DNAH11: variants seen among roughly 807,000 people sequenced by gnomAD.
The protein encoded by DNAH11 is dynein axonemal heavy chain 11.
In DNAH11, 442 loss-of-function variants were observed where a neutral mutation model predicts 526.0. That is an observed-to-expected ratio of 0.84 (90% CI 0.78 to 0.91). DNAH11 has a LOEUF of 0.91. DNAH11 is among the 40% of genes least tolerant of loss of function. DNAH11 has a pLI of 0.00. For synonymous variants in DNAH11, 2,461 were observed against 1,935.9 expected, an observed-to-expected ratio of 1.27 and a Z score of -7.12; for missense variants, 6,989 against 5,448.7, an observed-to-expected ratio of 1.28 and a Z score of -8.90.
chr7:21,892,648 G>A lies in DNAH11; in HGVS notation c.12731G>A (p.Gly4244Glu). ...PRNALSGDEL[G>E]QSTEEKVKNV... ...AATGCACTCAGTGGTGATGAACTGGGGCAGTCTACAGAAGAAAAGGTAGAG... is the reference window on the plus strand; with the variant it reads ...AATGCACTCAGTGGTGATGAACTGGAGCAGTCTACAGAAGAAAAGGTAGAG... Residue 4244 changes from glycine to glutamate, a missense_variant, in exon 77 of 82, where the codon GGG becomes GAG. Gly to Glu is a moderately conservative substitution (Grantham distance 98, BLOSUM62 -2). Transcript: ENST00000409508. 6.2e-7 allele frequency: 1 copy of A among 1,607,790 alleles called. No individual in the cohort carries two copies. The highest frequency in any genetic ancestry group is 8.5e-7 in the Non-Finnish European group (1 of 1,176,630).
chr7:21,586,440 T>C (rs1443799752), intron 9 of DNAH11, among the ~76,000 whole-genome samples: 2 of 152,228 alleles, frequency 1.3e-5, no homozygotes, highest in Non-Finnish European at 2.9e-5. Context: ...TTTAAAAATA[T>C]TTAGCAGTTT....
At chr7:21,773,303 C>A (rs1000791811) in intron 55 of DNAH11, among the ~76,000 whole-genome samples, 3 of 148,860 alleles carry the variant, frequency 2.0e-5, no homozygotes, top group Non-Finnish European at 3.0e-5. Context: ...TTTGTTTTTA[C>A]ATGAGTTCTC....
At chr7:21,623,344 G>A (rs1786171386) in intron 25 of DNAH11, among the ~76,000 whole-genome samples, 1 of 151,146 alleles carries the variant, frequency 6.6e-6, no homozygotes, top group Non-Finnish European at 1.5e-5. Context: ...TGGAGAAATA[G>A]GAACACTTTT....
intron 65 of DNAH11, among the ~76,000 whole-genome samples, chr7:21,839,826 G>T (rs956601332): frequency 6.6e-6 from 1 of 152,194 alleles, no homozygotes; most frequent in East Asian, 1.9e-4. Context: ...GAAGGTTTCT[G>T]TTGTCAGTGT....
chr7:21,740,979 G>A (rs958653262), intron 48 of DNAH11, among the ~76,000 whole-genome samples: 2 of 152,126 alleles, frequency 1.3e-5, no homozygotes, highest in African/African-American at 4.8e-5. Context: ...CTAATGATTA[G>A]TGATGTTTTT....
intron 75 of DNAH11, among the ~76,000 whole-genome samples, chr7:21,883,290 T>C (rs1783994190): frequency 6.6e-6 from 1 of 152,238 alleles, no homozygotes; most frequent in African/African-American, 2.4e-5. Flanking sequence ...AAGGTTCCTG[T>C]CTAGAAAGGC....
chr7:21,705,450 T>C lies in DNAH11; in HGVS notation c.6469-10T>C. 6.2e-7 allele frequency: 1 copy of C among 1,613,452 alleles called. No individual in the cohort carries two copies. On this transcript the variant is annotated splice_polypyrimidine_tract_variant and intron_variant, in intron 38 of 81. Coordinates refer to ENST00000409508, the MANE Select transcript of DNAH11 (RefSeq NM_001277115.2). Reference sequence around the variant, plus strand: ...TAAAGGAAACCAGCAACCAGCTGTTTGCTCTGCAGGTTGTCCAGCTTGAGG... The same window carrying C: ...TAAAGGAAACCAGCAACCAGCTGTTCGCTCTGCAGGTTGTCCAGCTTGAGG...
intron 68 of DNAH11, among the ~76,000 whole-genome samples, chr7:21,855,254 A>G (rs1019668719): frequency 6.6e-6 from 1 of 151,906 alleles, no homozygotes; most frequent in African/African-American, 2.4e-5. Context: ...AATGATCTCT[A>G]TCTCCTGACC....
Position 21,637,660 on chromosome 7 carries a change from G to T in DNAH11, c.4775G>T (p.Cys1592Phe), listed in dbSNP as rs72657327. ...GTAGAAAATGTGTTAGAAGCAACGT[G>T]CAGACCTAATCTCTATGAAAAACTT... ...AKVENVLEAT[C>F]RPNLYEKLKD... Residue 1592 changes from cysteine to phenylalanine, a missense_variant, in exon 27 of 82, where the codon TGC becomes TTC. Cys to Phe is a radical substitution (Grantham distance 205). Transcript: ENST00000409508. 287 of 1,586,290 alleles carry T rather than the reference G, an allele frequency of 1.8e-4. 1 individual carries two copies. In the Middle Eastern group the frequency reaches 4.2e-3, roughly 23 times the overall value.
chr7:21,807,753 C>T lies in DNAH11; in HGVS notation c.10166-130C>T, dbSNP rs568083486. The T allele has an allele frequency of 4.6e-5, 34 of 745,682 alleles. No homozygotes were observed. In the African/African-American group the frequency reaches 4.9e-4, roughly 11 times the overall value. The allele number at this position is 745,682 out of a possible 1,614,324, so 46.2% of individuals were successfully genotyped here. The stretch of plus-strand genomic sequence containing the variant: ...AAAGATTATAACAGTCACACCAACC[C>T]GTTACACTCTGTTCCTTATAGTGAC... On this transcript the variant is annotated intron_variant, in intron 62 of 81. Transcript: ENST00000409508.
Position 21,636,048 on chromosome 7 carries a change from C to G in DNAH11, c.4678C>G (p.Leu1560Val), listed in dbSNP as rs878854443. ...FVCSEDIRIQ[L>V]VKDARRFDGV... is the part of the protein sequence containing the mutation. The stretch of plus-strand genomic sequence containing the variant: ...CTGTTCAGAAGATATTCGAATCCAG[C>G]TTGTGAAAGATGCTAGAAGATTTGA... Residue 1560 changes from leucine to valine, a missense_variant, in exon 26 of 82, where the codon CTT becomes GTT. Transcript: ENST00000409508. 2 of 1,613,464 alleles carry G rather than the reference C, an allele frequency of 1.2e-6. No individual in the cohort carries two copies. The highest frequency in any genetic ancestry group is 3.3e-4 in the Middle Eastern group (2 of 6,060).
At chr7:21,809,474 A>T (rs928535773) in intron 63 of DNAH11, among the ~76,000 whole-genome samples, 1 of 151,996 alleles carries the variant, frequency 6.6e-6, no homozygotes, top group African/African-American at 2.4e-5. Context: ...AATTTTTCCT[A>T]TAGTTGTTTT....
chr7:21,827,471 AC>A lies in DNAH11; in HGVS notation c.10691+9133del, dbSNP rs2128006459. On this transcript the variant is annotated intron_variant, in intron 65 of 81. Coordinates refer to ENST00000409508, the MANE Select transcript of DNAH11 (RefSeq NM_001277115.2). ...TTATAATTTTTGAAAGACTGGAGTAACTTTACTGCAATATGTATTTCCGGTT... is the reference window on the plus strand; with the variant it reads ...TTATAATTTTTGAAAGACTGGAGTAATTTACTGCAATATGTATTTCCGGTT... Among the ~76,000 whole-genome samples the A allele has an allele frequency of 1.3e-5, 2 of 151,712 alleles. 1 individual carries two copies. The highest frequency in any genetic ancestry group is 3.9e-4 in the East Asian group (2 of 5,192).
At chr7:21,801,957 T>C (rs910202653) in intron 62 of DNAH11, among the ~76,000 whole-genome samples, 1 of 152,196 alleles carries the variant, frequency 6.6e-6, no homozygotes, top group African/African-American at 2.4e-5. Flanking sequence ...TTCTTTGATA[T>C]CAGTATTCAC....
At chr7:21,812,886 A>G (rs996068620) in intron 63 of DNAH11, among the ~76,000 whole-genome samples, 11 of 152,190 alleles carry the variant, frequency 7.2e-5, no homozygotes, top group African/African-American at 4.8e-5. Flanking sequence ...TCATAAGTCC[A>G]GTATCCAGCC....
chr7:21,759,418 CAAATTG>C lies in DNAH11; in HGVS notation c.8941-6000_8941-5995del, dbSNP rs1786788184. ...TTGAAGCTATTGGATCTTTTAAAAACAAATTGAAATTGAAAGGTAATTAGATGGGGT... is the reference window on the plus strand; with the variant it reads ...TTGAAGCTATTGGATCTTTTAAAAACAAATTGAAAGGTAATTAGATGGGGT... On this transcript the variant is annotated intron_variant, in intron 54 of 81. Coordinates refer to ENST00000409508, the MANE Select transcript of DNAH11 (RefSeq NM_001277115.2). 2.0e-5 allele frequency among the ~76,000 whole-genome samples: 3 copies of C among 152,156 alleles called. No homozygotes were observed. In the South Asian group the frequency reaches 6.2e-4, roughly 32 times the overall value.
At chr7:21,887,887 G>T (rs768811858) in intron 76 of DNAH11, among the ~76,000 whole-genome samples, 1 of 152,100 alleles carries the variant, frequency 6.6e-6, no homozygotes, top group Non-Finnish European at 1.5e-5. Flanking sequence ...AGCTGAACCA[G>T]AATTTAAACT....
intron 66 of DNAH11, among the ~76,000 whole-genome samples, chr7:21,847,857 A>G (rs370821866): frequency 6.6e-6 from 1 of 152,142 alleles, no homozygotes; most frequent in Non-Finnish European, 1.5e-5. Flanking sequence ...TATTAGGTGC[A>G]TACACATTAA....
chr7:21,591,239 C>G lies in DNAH11; in HGVS notation c.2329C>G (p.Leu777Val). The change falls in exon 14 of 82, where the codon CTC (leucine) becomes GTC (valine). Residue 777 changes from leucine to valine, a missense_variant. Transcript: ENST00000409508. ...VQGYNKLKQT[L>V]LEVEYPLIED... Reference sequence around the variant, plus strand: ...AGGGTATAATAAACTCAAACAGACGCTCCTGGAAGTTGAATACCCTCTGAT... The same window carrying G: ...AGGGTATAATAAACTCAAACAGACGGTCCTGGAAGTTGAATACCCTCTGAT... 1.3e-6 allele frequency: 2 copies of G among 1,590,960 alleles called. No homozygotes were observed.
Sources: gnomAD v4.1 joint callset for allele counts (sites outside exome capture counted in the v4.1 genomes callset) on GRCh38, gnomAD v4.1.1 for gene constraint, MANE v1.5 for transcripts, NCBI Gene and HGNC (gene_info 2026-07-23, HGNC 2026-07-21) for gene names.